NEK10: variants seen among roughly 807,000 people sequenced by gnomAD.
NEK10 encodes NIMA related kinase 10.
NEK10 carries 122 observed loss-of-function variants against 159.8 expected under a neutral mutation model. The ratio of observed to expected loss-of-function variants is 0.76; its 90% CI spans 0.66 to 0.89. The LOEUF (loss-of-function observed/expected upper bound fraction) is 0.89, where lower values mean the gene tolerates loss of function less well. NEK10 is among the 40% of genes least tolerant of loss of function. The pLI, the probability that NEK10 is intolerant of heterozygous loss-of-function variation, is 0.00. For synonymous variants in NEK10, 466 were observed against 457.1 expected (o/e 1.02, Z -0.25); for missense variants, 1,342 against 1,323.1 (o/e 1.01, Z -0.22).
intron 23 of NEK10, among the ~76,000 whole-genome samples, chr3:27,213,418 T>C (rs1951192829): frequency 6.6e-6 from 1 of 152,216 alleles, no homozygotes; most frequent in Non-Finnish European, 1.5e-5. Flanking sequence ...TTGTTGACAT[T>C]CTGGTTTGCC....
At chr3:27,175,586 A>T (rs1194139821) in intron 26 of NEK10, among the ~76,000 whole-genome samples, 1 of 152,180 alleles carries the variant, frequency 6.6e-6, no homozygotes, top group Non-Finnish European at 1.5e-5. Flanking sequence ...TAAGAGAAAG[A>T]CCGTGCGGAA....
At chr3:27,344,520 C>T (rs930545672) in intron 4 of NEK10, 150 bp from the exon 5 acceptor site, 5 of 466,192 alleles carry the variant, frequency 1.1e-5, no homozygotes, top group Non-Finnish European at 1.9e-5. Context: ...ATTGAAGGAG[C>T]CTTGCGTTTA....
chr3:27,201,995 A>T (rs983291822), intron 24 of NEK10, among the ~76,000 whole-genome samples: 1 of 151,956 alleles, frequency 6.6e-6, no homozygotes, highest in Non-Finnish European at 1.5e-5. Flanking sequence ...CTAAAAAAAA[A>T]AATAAAAAAT....
chr3:27,262,536 T>C, intron 22 of NEK10, among the ~76,000 whole-genome samples: 1 of 152,226 alleles, frequency 6.6e-6, no homozygotes, highest in East Asian at 1.9e-4. Context: ...TGTTTCTTTT[T>C]ACTCTTTTTT....
At chr3:27,199,829 G>A (rs750719849) in intron 25 of NEK10, among the ~76,000 whole-genome samples, 1 of 152,030 alleles carries the variant, frequency 6.6e-6, no homozygotes, top group Non-Finnish European at 1.5e-5. Context: ...GGAGCTGGAG[G>A]CCATTATCCT....
At position 27,110,017 on chromosome 3, in the gene NEK10, C is replaced by T. The variant is rs1939360553; in HGVS notation, c.*1255G>A. The T allele has an allele frequency of 6.6e-6, 1 of 152,086 alleles. No homozygotes were observed. Among genetic ancestry groups the T allele is most frequent in the South Asian group, 2.1e-4 (1 of 4,824 alleles). The allele number at this position is 152,086 out of a possible 1,614,324, so 9.4% of individuals were successfully genotyped here. A position where few individuals can be genotyped will look rare whatever the true frequency, so the allele number is the denominator to read the frequency against. On this transcript the variant is annotated 3_prime_UTR_variant, in exon 36 of 36. Transcript: ENST00000691995. ...TATGGTCTTTCAACCACTGTAAATA[C>T]ATTGAACTAAAATCGATTCAATCAT...
chr3:27,169,222 G>C (rs568600671), intron 29 of NEK10, among the ~76,000 whole-genome samples: 31 of 152,276 alleles, frequency 2.0e-4, no homozygotes, highest in African/African-American at 7.5e-4. Flanking sequence ...TAAAATACTT[G>C]CTTTGTTAGC....
chr3:27,111,966 C>G (rs931649426), intron 35 of NEK10, among the ~76,000 whole-genome samples: 6 of 152,160 alleles, frequency 3.9e-5, no homozygotes, highest in African/African-American at 1.2e-4. Flanking sequence ...GCTGGCCAAG[C>G]CTTTTTGACC....
At chr3:27,359,007 G>A (rs1559558930) in intron 1 of NEK10, among the ~76,000 whole-genome samples, 1 of 152,146 alleles carries the variant, frequency 6.6e-6, no homozygotes, top group African/African-American at 2.4e-5. Flanking sequence ...TTCAAGACCA[G>A]CCTGACCAAC....
intron 22 of NEK10, among the ~76,000 whole-genome samples, chr3:27,265,417 T>G (rs1306601715): frequency 1.3e-5 from 2 of 152,256 alleles, no homozygotes; most frequent in African/African-American, 4.8e-5. Context: ...TTCCAGTTGC[T>G]TCTGCATCCC....
intron 22 of NEK10, among the ~76,000 whole-genome samples, chr3:27,262,181 G>A (rs2040474032): frequency 6.6e-6 from 1 of 152,124 alleles, no homozygotes; most frequent in Admixed American, 6.5e-5. Flanking sequence ...CTGGCTTGTA[G>A]AGTTTCTGCA....
At chr3:27,123,986 T>C (rs924447515) in intron 32 of NEK10, among the ~76,000 whole-genome samples, 1 of 152,066 alleles carries the variant, frequency 6.6e-6, no homozygotes, top group African/African-American at 2.4e-5. Flanking sequence ...TGGCATTTTA[T>C]ACTGAGTTCC....
At chr3:27,345,143 G>C (rs2047464257) in intron 4 of NEK10, among the ~76,000 whole-genome samples, 1 of 152,142 alleles carries the variant, frequency 6.6e-6, no homozygotes, top group Admixed American at 6.5e-5. Context: ...AAATAAGCTG[G>C]AATTCCATGA....
chr3:27,324,278 G>A (rs375158278), intron 5 of NEK10, among the ~76,000 whole-genome samples: 2 of 152,158 alleles, frequency 1.3e-5, no homozygotes, highest in Admixed American at 6.5e-5. Flanking sequence ...GCCATAGAAC[G>A]TGCACAATGC....
At chr3:27,299,149 C>T (rs1217986323) in intron 13 of NEK10, among the ~76,000 whole-genome samples, 1 of 152,140 alleles carries the variant, frequency 6.6e-6, no homozygotes, top group Non-Finnish European at 1.5e-5. Context: ...CCATCACAGG[C>T]CTGGAGGTTT....
At chr3:27,339,395 A>C (rs981213402) in intron 5 of NEK10, among the ~76,000 whole-genome samples, 6 of 152,366 alleles carry the variant, frequency 3.9e-5, no homozygotes, top group Non-Finnish European at 8.8e-5. Context: ...AAAGGATATG[A>C]GCAGACACTT....
chr3:27,124,214 G>T (rs779834989), intron 32 of NEK10, among the ~76,000 whole-genome samples: 1 of 152,042 alleles, frequency 6.6e-6, no homozygotes, highest in Non-Finnish European at 1.5e-5. Context: ...AATCTACTAA[G>T]GTTTTTGAGT....
chr3:27,313,713 C>A (rs757978504), intron 7 of NEK10, among the ~76,000 whole-genome samples: 1 of 152,116 alleles, frequency 6.6e-6, no homozygotes, highest in African/African-American at 2.4e-5. Flanking sequence ...TTCCAGCCAT[C>A]GCCCCTTTTG....
chr3:27,230,390 A>T (rs1953113903), intron 23 of NEK10, among the ~76,000 whole-genome samples: 1 of 152,080 alleles, frequency 6.6e-6, no homozygotes, highest in South Asian at 2.1e-4. Flanking sequence ...TTGAAACAAA[A>T]GTTCAATGTG....
Sources: gnomAD v4.1 joint callset for allele counts (sites outside exome capture counted in the v4.1 genomes callset) on GRCh38, gnomAD v4.1.1 for gene constraint, MANE v1.5 for transcripts, NCBI Gene and HGNC (gene_info 2026-07-23, HGNC 2026-07-21) for gene names.